The following CDH9 variants were observed in gnomAD, a reference collection of about 807,000 sequenced individuals.
The protein encoded by CDH9 is cadherin 9, also known as cadherin-9.
In CDH9, 28 loss-of-function variants were observed where a neutral mutation model predicts 70.9. That is an observed-to-expected ratio of 0.40 (90% CI 0.29 to 0.54). The LOEUF (loss-of-function observed/expected upper bound fraction) is 0.54. Among genes scored for constraint, CDH9 ranks in the 20% least tolerant of loss-of-function variants. The probability of loss-of-function intolerance (pLI) is 0.59; values close to 1 mark genes in which losing one functional copy is unlikely to be tolerated. For synonymous variants in CDH9, 409 were observed against 343.1 expected, an observed-to-expected ratio of 1.19 and a Z score of -2.12; for missense variants, 874 against 984.4, an observed-to-expected ratio of 0.89 and a Z score of 1.50.
chr5:26,919,604 AC>A (rs1284713098), intron 2 of CDH9, among the ~76,000 whole-genome samples: 2 of 152,130 alleles, frequency 1.3e-5, no homozygotes, highest in African/African-American at 2.4e-5. Flanking sequence ...CCAAATGTGT[AC>A]TTGTGCCACC....
chr5:26,921,411 C>T (rs1318793037), intron 2 of CDH9, among the ~76,000 whole-genome samples: 2 of 152,094 alleles, frequency 1.3e-5, no homozygotes, highest in South Asian at 2.1e-4. Flanking sequence ...GCAATGCAGC[C>T]ATTGGGTAGA....
intron 2 of CDH9, among the ~76,000 whole-genome samples, chr5:26,922,909 A>T (rs1741269485): frequency 6.6e-6 from 1 of 151,742 alleles, no homozygotes; most frequent in South Asian, 2.1e-4. Flanking sequence ...TTGTTTATGC[A>T]GTTAGTGTGG....
intron 2 of CDH9, among the ~76,000 whole-genome samples, chr5:26,967,153 T>C (rs970620954): frequency 6.6e-6 from 1 of 152,066 alleles, no homozygotes. Flanking sequence ...AGGTTCTCAC[T>C]ACCTTTCCCA....
rs188364732 is a variant in CDH9 at position 26,896,995 on chromosome 5, T to C, written c.1253+5481A>G. Among the ~76,000 whole-genome samples the C allele has an allele frequency of 6.2e-3, 948 of 151,950 alleles. 3 individuals carry two copies. Among genetic ancestry groups the C allele is most frequent in the Non-Finnish European group, 0.01 (686 of 67,880 alleles). On this transcript the variant is annotated intron_variant, in intron 7 of 11. Coordinates refer to ENST00000231021, the MANE Select transcript of CDH9 (RefSeq NM_016279.4). ...AAAATGATAAAGGGAATATCACCAGTGATCCCACAGAAATACAAACTACCA... is the reference window on the plus strand; with the variant it reads ...AAAATGATAAAGGGAATATCACCAGCGATCCCACAGAAATACAAACTACCA...
intron 1 of CDH9, among the ~76,000 whole-genome samples, chr5:27,024,231 T>C (rs1004719212): frequency 1.3e-5 from 2 of 152,052 alleles, no homozygotes; most frequent in African/African-American, 4.8e-5. Flanking sequence ...TAGAGATTTT[T>C]ATTCTCTGTG....
intron 3 of CDH9, among the ~76,000 whole-genome samples, chr5:26,908,440 A>T (rs1300800995): frequency 6.6e-6 from 1 of 152,118 alleles, no homozygotes; most frequent in Admixed American, 6.5e-5. Flanking sequence ...TGAAATATGA[A>T]TTATTAAGCA....
chr5:26,885,581 A>G (rs760652565), intron 11 of CDH9, 33 bp downstream of exon 11: 1 of 1,590,486 alleles, frequency 6.3e-7, no homozygotes. Flanking sequence ...GATTTTTGTG[A>G]GTTAAAGGAT....
intron 2 of CDH9, among the ~76,000 whole-genome samples, chr5:26,970,758 A>T (rs1283336068): frequency 9.4e-6 from 1 of 106,238 alleles, no homozygotes; most frequent in Non-Finnish European, 1.9e-5. Context: ...TTATTTTCTT[A>T]AAAAAAAAAA....
chr5:26,967,543 C>G (rs1742149599), intron 2 of CDH9, among the ~76,000 whole-genome samples: 1 of 152,106 alleles, frequency 6.6e-6, no homozygotes, highest in African/African-American at 2.4e-5. Context: ...AATGTATTCA[C>G]TTATTAACTA....
chr5:27,031,478 T>C (rs1052965141), intron 1 of CDH9, among the ~76,000 whole-genome samples: 2 of 151,922 alleles, frequency 1.3e-5, no homozygotes, highest in African/African-American at 4.8e-5. Flanking sequence ...TTTATGGTCA[T>C]TGCAATATAA....
chr5:26,937,305 A>G (rs781077070), intron 2 of CDH9, among the ~76,000 whole-genome samples: 1 of 152,300 alleles, frequency 6.6e-6, no homozygotes, highest in Middle Eastern at 3.4e-3. Flanking sequence ...ATGGCAAACT[A>G]AAACAATGAG....
chr5:26,941,068 T>C lies in CDH9; in HGVS notation c.229-25144A>G, dbSNP rs552773367. 2.6e-5 allele frequency among the ~76,000 whole-genome samples: 4 copies of C among 152,330 alleles called. No homozygotes were observed. In the South Asian group the frequency reaches 8.3e-4, roughly 32 times the overall value. On this transcript the variant is annotated intron_variant, in intron 2 of 11. Transcript: ENST00000231021. Reference sequence around the variant, plus strand: ...AATGAATGTCTTCCACCAACTCACATAAACATACCATCTTATACTAGTCAC... The same window carrying C: ...AATGAATGTCTTCCACCAACTCACACAAACATACCATCTTATACTAGTCAC...
At chr5:26,890,004 C>A in intron 8 of CDH9, 47 bp from the exon 9 acceptor site, 1 of 1,580,524 alleles carries the variant, frequency 6.3e-7, no homozygotes, top group African/African-American at 1.4e-5. Flanking sequence ...TACACAGAAG[C>A]AGTGAAACCA....
intron 2 of CDH9, among the ~76,000 whole-genome samples, chr5:26,970,178 A>T (rs965384022): frequency 8.6e-5 from 13 of 151,708 alleles, no homozygotes; most frequent in Non-Finnish European, 1.5e-4. Flanking sequence ...AATACTTTAA[A>T]AATACCGAAT....
chr5:26,929,202 A>G lies in CDH9; in HGVS notation c.229-13278T>C, dbSNP rs1741397886. Among the ~76,000 whole-genome samples the G allele has an allele frequency of 2.0e-5, 3 of 152,162 alleles. No homozygotes were observed. In the South Asian group the frequency reaches 6.2e-4, roughly 31 times the overall value. ...AAATATCTCAATCAACATTTTCAAA[A>G]GAATAAATGCAAATGGCAAACACGT... On this transcript the variant is annotated intron_variant, in intron 2 of 11. Coordinates refer to ENST00000231021, the MANE Select transcript of CDH9 (RefSeq NM_016279.4).
At chr5:26,978,711 G>A (rs1398943099) in intron 2 of CDH9, among the ~76,000 whole-genome samples, 1 of 151,478 alleles carries the variant, frequency 6.6e-6, no homozygotes, top group Non-Finnish European at 1.5e-5. Flanking sequence ...TAAGAATACT[G>A]AAAGCAAAGA....
chr5:26,936,600 G>A (rs1741562806), intron 2 of CDH9, among the ~76,000 whole-genome samples: 1 of 151,966 alleles, frequency 6.6e-6, no homozygotes, highest in African/African-American at 2.4e-5. Flanking sequence ...ATAATATGGA[G>A]AAAATGAAAG....
At chr5:26,974,765 A>G (rs1742276439) in intron 2 of CDH9, among the ~76,000 whole-genome samples, 1 of 152,292 alleles carries the variant, frequency 6.6e-6, no homozygotes, top group East Asian at 1.9e-4. Flanking sequence ...TTATGAAGTG[A>G]GCACACTTAA....
chr5:26,992,401 C>T lies in CDH9; in HGVS notation c.-49-4019G>A, dbSNP rs144929022. ...AGAGAGGCATGAGAGGGTTCTCTTG[C>T]CTTTTGACCATGTGAAGACACAGCA... On this transcript the variant is annotated intron_variant, in intron 1 of 11. Coordinates refer to ENST00000231021, the MANE Select transcript of CDH9 (RefSeq NM_016279.4). Among the ~76,000 whole-genome samples, 292 of 152,212 alleles carry T rather than the reference C, an allele frequency of 1.9e-3. 1 individual carries two copies. The highest frequency in any genetic ancestry group is 6.6e-3 in the African/African-American group (274 of 41,530).
Sources: gnomAD v4.1 joint callset for allele counts (sites outside exome capture counted in the v4.1 genomes callset) on GRCh38, gnomAD v4.1.1 for gene constraint, MANE v1.5 for transcripts, NCBI Gene and HGNC (gene_info 2026-07-23, HGNC 2026-07-21) for gene names.